Variants in NFIL3 observed in about 807,000 individuals in gnomAD.
The protein encoded by NFIL3 is nuclear factor, interleukin 3 regulated.
A neutral mutation model predicts 10.0 loss-of-function variants in NFIL3; 5 were observed. That is an observed-to-expected ratio of 0.50 (90% CI 0.26 to 1.06). NFIL3 has a LOEUF of 1.06. Ranked by LOEUF, NFIL3 falls within the 50% of genes least tolerant of loss-of-function variation. The pLI is 0.13. For synonymous variants in NFIL3, 202 were observed against 206.5 expected, an observed-to-expected ratio of 0.98 and a Z score of 0.19; for missense variants, 436 against 547.6, an observed-to-expected ratio of 0.80 and a Z score of 2.03.
At chr9:91,444,053 C>T in the NFIL3 span, among the ~76,000 whole-genome samples, 1 of 152,138 alleles carries the variant, frequency 6.6e-6, no homozygotes, top group African/African-American at 2.4e-5. Context: ...TTGAAAATTC[C>T]ATGTTGCAAG....
intron 1 of NFIL3, among the ~76,000 whole-genome samples, chr9:91,411,549 C>T (rs932928655): frequency 6.6e-6 from 1 of 152,222 alleles, no homozygotes; most frequent in Non-Finnish European, 1.5e-5. Context: ...CTGCCCATCA[C>T]ATCCTTGACT....
Position 91,418,223 on chromosome 9 carries a change from G to C in NFIL3, c.-173+5417C>G, listed in dbSNP as rs868448803. On this transcript the variant is annotated intron_variant, in intron 1 of 1. Coordinates refer to ENST00000297689, the MANE Select transcript of NFIL3 (RefSeq NM_005384.3). Reference sequence around the variant, plus strand: ...CTCACTAAAGATGGGTAGTAACATGGGGGAAAAACAGAACAGTAATAATTT... The same window carrying C: ...CTCACTAAAGATGGGTAGTAACATGCGGGAAAAACAGAACAGTAATAATTT... Among the ~76,000 whole-genome samples, 21 of 152,192 alleles carry C rather than the reference G, an allele frequency of 1.4e-4. 1 individual carries two copies. The Middle Eastern group carries it at 0.02, about 148-fold the overall frequency.
chr9:91,469,785 T>A, the NFIL3 span, among the ~76,000 whole-genome samples: 3 of 152,242 alleles, frequency 2.0e-5, no homozygotes, highest in Non-Finnish European at 4.4e-5. Context: ...TCTATTGAGA[T>A]AATCATGTGG....
chr9:91,431,684 A>G, the NFIL3 span, among the ~76,000 whole-genome samples: 2 of 152,086 alleles, frequency 1.3e-5, no homozygotes, highest in Non-Finnish European at 2.9e-5. Context: ...GCCTTCAGGG[A>G]GTGTCTGTAC....
At chr9:91,473,015 G>A in the NFIL3 span, among the ~76,000 whole-genome samples, 2 of 152,184 alleles carry the variant, frequency 1.3e-5, no homozygotes, top group African/African-American at 2.4e-5. Flanking sequence ...GACCCTGTTT[G>A]CCTGTGTATC....
At chr9:91,461,571 C>A in the NFIL3 span, among the ~76,000 whole-genome samples, 25,270 of 152,098 alleles carry the variant, frequency 0.17, 2,624 homozygotes, top group East Asian at 0.4. Flanking sequence ...TTGGGAAGAC[C>A]TTGCCTTGCC....
chr9:91,412,660 A>G (rs868086854), intron 1 of NFIL3, among the ~76,000 whole-genome samples: 8 of 152,080 alleles, frequency 5.3e-5, no homozygotes, highest in African/African-American at 1.9e-4. Context: ...CCTGGCTAAC[A>G]TGGTGAAACC....
At chr9:91,435,130 C>T in the NFIL3 span, among the ~76,000 whole-genome samples, 2 of 152,284 alleles carry the variant, frequency 1.3e-5, no homozygotes, top group African/African-American at 4.8e-5. Context: ...TCTCCACTGC[C>T]CCCACTAGGC....
chr9:91,420,354 C>T (rs1267299893), intron 1 of NFIL3, among the ~76,000 whole-genome samples: 1 of 45,704 alleles, frequency 2.2e-5, no homozygotes, highest in Non-Finnish European at 4.0e-5. Context: ...AAGGTAAATA[C>T]ACACACACAC....
upstream of NFIL3, among the ~76,000 whole-genome samples, chr9:91,428,598 C>T (rs1833894009): frequency 1.3e-5 from 2 of 152,182 alleles, no homozygotes; most frequent in African/African-American, 4.8e-5. Context: ...AAAATGTTTC[C>T]TATTAAGCAG....
chr9:91,429,958 ACC>A, the NFIL3 span, among the ~76,000 whole-genome samples: 1 of 151,886 alleles, frequency 6.6e-6, no homozygotes, highest in Non-Finnish European at 1.5e-5. Context: ...CCTCACTTTC[ACC>A]TTTTGACAAC....
chr9:91,456,746 A>T, the NFIL3 span, among the ~76,000 whole-genome samples: 1 of 152,076 alleles, frequency 6.6e-6, no homozygotes, highest in East Asian at 1.9e-4. Flanking sequence ...TACTTTTTGC[A>T]TTATATCTAA....
At chr9:91,442,184 T>A in the NFIL3 span, among the ~76,000 whole-genome samples, 1 of 152,196 alleles carries the variant, frequency 6.6e-6, no homozygotes. Flanking sequence ...TATTTCTCCT[T>A]CATTTCTTAA....
chr9:91,476,957 G>A, the NFIL3 span, among the ~76,000 whole-genome samples: 4 of 152,150 alleles, frequency 2.6e-5, no homozygotes, highest in Non-Finnish European at 5.9e-5. Flanking sequence ...TATTAGAAAG[G>A]GAAGAGCAAA....
At chr9:91,423,243 G>A (rs991818453) in intron 1 of NFIL3, among the ~76,000 whole-genome samples, 3 of 152,040 alleles carry the variant, frequency 2.0e-5, no homozygotes, top group African/African-American at 4.8e-5. Context: ...CCCAGAGAAG[G>A]AACGAGAAAG....
At position 91,414,529 on chromosome 9, in the gene NFIL3, G is replaced by T. The variant is rs543234688; in HGVS notation, c.-172-3623C>A. Among the ~76,000 whole-genome samples, 85 of 152,320 alleles carry T rather than the reference G, an allele frequency of 5.6e-4. 1 individual carries two copies. Among genetic ancestry groups the T allele is most frequent in the Non-Finnish European group, 3.5e-4 (24 of 68,032 alleles). On this transcript the variant is annotated intron_variant, in intron 1 of 1. Transcript: ENST00000297689. ...CTACCTTGGCCTCCCAAAGTGCTGG[G>T]ATTACAGGCGTGAGCCACCTCGCCA...
the NFIL3 span, among the ~76,000 whole-genome samples, chr9:91,470,642 C>T: frequency 6.6e-6 from 1 of 152,158 alleles, no homozygotes; most frequent in Non-Finnish European, 1.5e-5. Flanking sequence ...TTCCTGCTTT[C>T]TCTTGTGGAC....
At chr9:91,458,439 G>A in the NFIL3 span, among the ~76,000 whole-genome samples, 1 of 152,018 alleles carries the variant, frequency 6.6e-6, no homozygotes, top group Non-Finnish European at 1.5e-5. Flanking sequence ...ATTATTCATA[G>A]TATTCTCCTG....
At chr9:91,429,410 G>A in the NFIL3 span, among the ~76,000 whole-genome samples, 1 of 152,114 alleles carries the variant, frequency 6.6e-6, no homozygotes, top group African/African-American at 2.4e-5. Context: ...AAGAAAAACT[G>A]CAAATGTGGC....
Sources: gnomAD v4.1 joint callset for allele counts (sites outside exome capture counted in the v4.1 genomes callset) on GRCh38, gnomAD v4.1.1 for gene constraint, MANE v1.5 for transcripts, NCBI Gene and HGNC (gene_info 2026-07-23, HGNC 2026-07-21) for gene names.